The following RUBCNL variants were observed in gnomAD, a reference collection of about 807,000 sequenced individuals.
RUBCNL encodes the protein protein associated with UVRAG as autophagy enhancer.
RUBCNL carries 62 observed loss-of-function variants against 69.5 expected under a neutral mutation model. The ratio of observed to expected loss-of-function variants is 0.89; its 90% CI spans 0.73 to 1.10. The LOEUF (loss-of-function observed/expected upper bound fraction) is 1.10, where lower values mean the gene tolerates loss of function less well. Ranked by LOEUF, RUBCNL falls within the 50% of genes least tolerant of loss-of-function variation. The probability of loss-of-function intolerance (pLI) is 0.00; values close to 1 mark genes in which losing one functional copy is unlikely to be tolerated. For synonymous variants in RUBCNL, 291 were observed against 303.6 expected, an observed-to-expected ratio of 0.96 and a Z score of 0.43; for missense variants, 768 against 798.1, an observed-to-expected ratio of 0.96 and a Z score of 0.45.
In RUBCNL at chr13:46,337,652, C is replaced by T. The variant is rs1171369490; in HGVS notation, c.*5733G>A. Reference sequence around the variant, plus strand: ...ATTTTATTATAGCAGCCTAAACAGACTACGACAGTGACAAACCTGTTCCCT... The same window carrying T: ...ATTTTATTATAGCAGCCTAAACAGATTACGACAGTGACAAACCTGTTCCCT... On this transcript the variant is annotated 3_prime_UTR_variant, in exon 15 of 15. Transcript: ENST00000429979. Among the ~76,000 whole-genome samples the T allele has an allele frequency of 6.6e-6, 1 of 152,164 alleles. No individual in the cohort carries two copies. The highest frequency in any genetic ancestry group is 1.5e-5 in the Non-Finnish European group (1 of 68,028).
In RUBCNL at chr13:46,339,355, G is replaced by A. The variant is rs796194088; in HGVS notation, c.*4030C>T. On this transcript the variant is annotated 3_prime_UTR_variant, in exon 15 of 15. Coordinates refer to ENST00000429979, the MANE Select transcript of RUBCNL (RefSeq NM_025113.5). ...TTAAATGCTTGTTTTAAGGAAGCAC[G>A]CTTCTAAAAATGACACACTTCACCC... is the stretch of plus-strand genomic sequence containing the variant. Among the ~76,000 whole-genome samples, 65 of 152,288 alleles carry A rather than the reference G, an allele frequency of 4.3e-4. No homozygotes were observed. The highest frequency in any genetic ancestry group is 1.5e-3 in the African/African-American group (61 of 41,556).
At chr13:46,359,462 G>A (rs1287096213) in intron 9 of RUBCNL, 24 bp downstream of exon 9, 2 of 1,596,342 alleles carry the variant, frequency 1.3e-6, no homozygotes, top group South Asian at 1.1e-5. Context: ...TGGATTGGAG[G>A]CCCAAGCAAC....
At chr13:46,353,764 T>C (rs1398672789) in intron 10 of RUBCNL, among the ~76,000 whole-genome samples, 2 of 152,254 alleles carry the variant, frequency 1.3e-5, no homozygotes, top group Non-Finnish European at 2.9e-5. Flanking sequence ...AGAACAGAGA[T>C]GTCCGGTATA....
chr13:46,365,015 A>C (rs1436374563), intron 5 of RUBCNL, among the ~76,000 whole-genome samples: 1 of 152,096 alleles, frequency 6.6e-6, no homozygotes, highest in Non-Finnish European at 1.5e-5. Flanking sequence ...TTAAAATCTC[A>C]TGAAAGGCTG....
chr13:46,381,389 A>C (rs76869883), intron 1 of RUBCNL, among the ~76,000 whole-genome samples: 1 of 152,146 alleles, frequency 6.6e-6, no homozygotes, highest in Admixed American at 6.5e-5. Flanking sequence ...ATATATATAT[A>C]AAATGTCCAG....
At position 46,343,473 on chromosome 13, in the gene RUBCNL, T is replaced by C; in HGVS notation, c.1901A>G (p.Gln634Arg). Residue 634 changes from glutamine (Q) to arginine (R), a missense_variant, in exon 15 of 15, where the codon CAG becomes CGG. Physicochemically the swap from Gln to Arg is conservative, Grantham distance 43. Transcript: ENST00000429979. ...CSACRACFHKQCFQSSECPRC... is the reference protein window; with the variant it reads ...CSACRACFHKRCFQSSECPRC... ...GGGGCACTCGGAGGACTGGAAGCAC[T>C]GTTTGTGAAAGCAAGCCCTGCACGC... 1.2e-6 allele frequency: 2 copies of C among 1,613,942 alleles called. No individual in the cohort carries two copies. Among genetic ancestry groups the C allele is most frequent in the Non-Finnish European group, 1.7e-6 (2 of 1,179,868 alleles).
At chr13:46,365,512 TG>T (rs2048734302) in intron 5 of RUBCNL, among the ~76,000 whole-genome samples, 1 of 152,126 alleles carries the variant, frequency 6.6e-6, no homozygotes, top group African/African-American at 2.4e-5. Flanking sequence ...TCCACATGGA[TG>T]GTGCTCCTCC....
upstream of RUBCNL, among the ~76,000 whole-genome samples, chr13:46,388,199 C>CAAAA (rs71074779): frequency 8.2e-3 from 557 of 68,006 alleles, 36 homozygotes; most frequent in African/African-American, 0.016. Flanking sequence ...GCAAGACTGT[C>CAAAA]AAAAAAAAAA....
At chr13:46,389,255 T>C (rs1042240304), upstream of RUBCNL, among the ~76,000 whole-genome samples, 6 of 152,192 alleles carry the variant, frequency 3.9e-5, no homozygotes, top group Admixed American at 1.3e-4. This position sits in a 1 kb window ranked among gnomAD's most constrained non-coding sequence, Gnocchi z 4.2. Flanking sequence ...ACAGAGCTAA[T>C]AGGTAGCACA....
Position 46,351,740 on chromosome 13 carries a change from CAT to C in RUBCNL, c.1331-1391_1331-1390del, listed in dbSNP as rs528095237. Among the ~76,000 whole-genome samples the C allele has an allele frequency of 5.3e-3, 811 of 151,662 alleles. 5 individuals carry two copies. Among genetic ancestry groups the C allele is most frequent in the Admixed American group, 0.02 (300 of 15,234 alleles). On this transcript the variant is annotated intron_variant, in intron 10 of 14. Transcript: ENST00000429979. ...ACATATATATAAACATACACATAAA[CAT>C]ATATTCACTGTCTAAATCCCCACCA...
intron 1 of RUBCNL, among the ~76,000 whole-genome samples, chr13:46,381,741 C>T (rs1325867582): frequency 6.6e-6 from 1 of 152,126 alleles, no homozygotes; most frequent in African/African-American, 2.4e-5. Context: ...CGCCACCACG[C>T]CCGGCAATTT....
chr13:46,379,577 T>G (rs1262774043), intron 1 of RUBCNL, among the ~76,000 whole-genome samples: 1 of 152,202 alleles, frequency 6.6e-6, no homozygotes, highest in Admixed American at 6.5e-5. Context: ...GATGTCACCC[T>G]TTAGAAGAAA....
chr13:46,361,679 G>T lies in RUBCNL; in HGVS notation c.987-106C>A. The T allele has an allele frequency of 6.0e-6, 7 of 1,165,798 alleles. No individual in the cohort carries two copies. The South Asian group carries it at 1.1e-4, about 18-fold the overall frequency. The allele number at this position is 1,165,798 out of a possible 1,614,324, so 72.2% of individuals were successfully genotyped here. ...TCTTCCCAGCCCCCAAAACTCAGAA[G>T]AGGCTGTCATATGAGATGACGCATG... On this transcript the variant is annotated intron_variant, in intron 7 of 14. Coordinates refer to ENST00000429979, the MANE Select transcript of RUBCNL (RefSeq NM_025113.5).
rs2048097705 is a variant in RUBCNL at position 46,335,260 on chromosome 13, G to GTTGTTGTT, written c.*8124_*8125insAACAACAA. Among the ~76,000 whole-genome samples the GTTGTTGTT allele has an allele frequency of 7.9e-5, 8 of 101,902 alleles. No homozygotes were observed. Among genetic ancestry groups the GTTGTTGTT allele is most frequent in the African/African-American group, 3.4e-4 (8 of 23,544 alleles). The allele number at this position is 101,902 out of a possible 152,430, so 66.9% of individuals were successfully genotyped here. A position where few individuals can be genotyped will look rare whatever the true frequency, so the allele number is the denominator to read the frequency against. ...GTGTCTTTTTGTTGTTGTTGTTGTT[G>GTTGTTGTT]TTTTTTTTTTTTTTTTTTTTTTTTT... On this transcript the variant is annotated 3_prime_UTR_variant, in exon 15 of 15. Transcript: ENST00000429979.
intron 4 of RUBCNL, 38 bp downstream of exon 4, chr13:46,368,695 A>C (rs2048813262): frequency 6.5e-7 from 1 of 1,539,600 alleles, no homozygotes; most frequent in East Asian, 2.2e-5. Flanking sequence ...CTAAAGGATT[A>C]AGACTCTATG....
At chr13:46,354,222 A>C (rs1318621626) in intron 10 of RUBCNL, among the ~76,000 whole-genome samples, 1 of 152,196 alleles carries the variant, frequency 6.6e-6, no homozygotes, top group Non-Finnish European at 1.5e-5. Context: ...ATGACAACTA[A>C]ATTCTGAAAC....
intron 9 of RUBCNL, among the ~76,000 whole-genome samples, chr13:46,358,825 G>T (rs1308546112): frequency 6.6e-6 from 1 of 152,126 alleles, no homozygotes; most frequent in Non-Finnish European, 1.5e-5. Context: ...CTCCCAAAGT[G>T]CTGGGATTAT....
rs563229599 is a variant in RUBCNL, at chr13:46,375,511, C to A, written c.-123+2379G>T. Among the ~76,000 whole-genome samples, 225 of 152,004 alleles carry A rather than the reference C, an allele frequency of 1.5e-3. 1 individual carries two copies. The highest frequency in any genetic ancestry group is 2.1e-3 in the Non-Finnish European group (142 of 68,022). ...TCATGCCATTGCACTCCAGCCTGGA[C>A]GACAGCGAGACTCTGTCTCAAAAAC... On this transcript the variant is annotated intron_variant, in intron 2 of 14. Coordinates refer to ENST00000429979, the MANE Select transcript of RUBCNL (RefSeq NM_025113.5).
chr13:46,350,066 C>T, intron 11 of RUBCNL, 47 bp downstream of exon 11: 2 of 1,401,816 alleles, frequency 1.4e-6, no homozygotes, highest in Non-Finnish European at 2.0e-6. Context: ...CATTTCCTGC[C>T]ACAGGACACT....
Sources: allele counts gnomAD v4.1 joint callset (sites outside exome capture counted in the v4.1 genomes callset), GRCh38; gene constraint gnomAD v4.1.1; non-coding constraint Gnocchi (gnomAD v3.1); transcripts MANE v1.5; gene names NCBI Gene and HGNC (gene_info 2026-07-23, HGNC 2026-07-21).